The following ATG10 variants were observed in gnomAD, a reference collection of about 807,000 sequenced individuals.
ATG10 encodes autophagy related 10, also known as ubiquitin-like-conjugating enzyme ATG10.
In ATG10, 30 loss-of-function variants were observed where a neutral mutation model predicts 32.1. The ratio of observed to expected loss-of-function variants is 0.94; its 90% CI spans 0.70 to 1.27. The LOEUF is 1.27. Ranked by LOEUF, ATG10 falls within the 50% of genes most tolerant of loss-of-function variation. The pLI, the probability that ATG10 is intolerant of heterozygous loss-of-function variation, is 0.00. For missense variants in ATG10, 233 were observed against 262.3 expected, an observed-to-expected ratio of 0.89 and a Z score of 0.77; for synonymous variants, 87 against 91.5, an observed-to-expected ratio of 0.95 and a Z score of 0.28.
At chr5:82,087,960 T>G (rs2629740) in intron 3 of ATG10, among the ~76,000 whole-genome samples, 4 of 152,138 alleles carry the variant, frequency 2.6e-5, no homozygotes, top group Non-Finnish European at 4.4e-5. Context: ...AGCTTTTTGT[T>G]TACCAATTAT....
At chr5:82,147,960 C>T (rs1767433417) in intron 3 of ATG10, 1 of 152,216 alleles carries the variant, frequency 6.6e-6, no homozygotes, top group Admixed American at 6.5e-5. Flanking sequence ...TCCAAAGCCT[C>T]AAATAGGTTT....
chr5:81,979,995 TTG>T (rs2149654712), intron 1 of ATG10, among the ~76,000 whole-genome samples: 1 of 152,240 alleles, frequency 6.6e-6, no homozygotes, highest in South Asian at 2.1e-4. Flanking sequence ...CTTTTTTCTT[TTG>T]TGTGTTTGGA....
At chr5:82,067,148 T>G (rs1326908012) in intron 3 of ATG10, among the ~76,000 whole-genome samples, 1 of 152,140 alleles carries the variant, frequency 6.6e-6, no homozygotes, top group Non-Finnish European at 1.5e-5. Flanking sequence ...TGTGTTTTAC[T>G]TAAGATATTA....
intron 2 of ATG10, among the ~76,000 whole-genome samples, chr5:82,043,947 A>G (rs764636120): frequency 1.3e-4 from 20 of 151,764 alleles, no homozygotes; most frequent in Non-Finnish European, 2.5e-4. Flanking sequence ...AACTGTTCCA[A>G]CTTCTGCTTG....
At chr5:82,129,832 C>T (rs1207132570) in intron 3 of ATG10, among the ~76,000 whole-genome samples, 2 of 152,126 alleles carry the variant, frequency 1.3e-5, no homozygotes, top group African/African-American at 4.8e-5. Flanking sequence ...CAGGGAGCCA[C>T]TTGAGGAGGC....
chr5:82,187,427 C>T (rs1744493195), intron 5 of ATG10, among the ~76,000 whole-genome samples: 1 of 148,942 alleles, frequency 6.7e-6, no homozygotes, highest in Non-Finnish European at 1.5e-5. Context: ...AGGAGAATCA[C>T]TTGAACTGTC....
intron 2 of ATG10, among the ~76,000 whole-genome samples, chr5:82,008,404 C>T (rs1312267220): frequency 2.0e-5 from 3 of 151,848 alleles, no homozygotes; most frequent in African/African-American, 7.3e-5. Context: ...TTTTTCCATT[C>T]ATAATTTATT....
chr5:82,052,045 A>G (rs1581638624), intron 2 of ATG10, among the ~76,000 whole-genome samples: 1 of 152,198 alleles, frequency 6.6e-6, no homozygotes, highest in East Asian at 1.9e-4. Flanking sequence ...GCCTTGTTTG[A>G]TCAGTGCTGG....
chr5:82,140,047 C>T (rs1767017076), intron 3 of ATG10, among the ~76,000 whole-genome samples: 2 of 139,774 alleles, frequency 1.4e-5, no homozygotes, highest in Non-Finnish European at 3.2e-5. Flanking sequence ...CGGCCAGCCG[C>T]CCCGTCCGGG....
chr5:82,152,228 T>G (rs547729125), intron 3 of ATG10, among the ~76,000 whole-genome samples: 51 of 152,348 alleles, frequency 3.3e-4, no homozygotes, highest in African/African-American at 1.1e-3. Context: ...GGGTTCTTTA[T>G]GAAGAGAAAG....
intron 3 of ATG10, among the ~76,000 whole-genome samples, chr5:82,089,563 C>T (rs187348714): frequency 1.1e-4 from 17 of 152,276 alleles, no homozygotes; most frequent in African/African-American, 3.8e-4. Context: ...CAAACATACC[C>T]TGACCTCAGT....
chr5:82,127,867 T>G (rs1766344239), intron 3 of ATG10, among the ~76,000 whole-genome samples: 1 of 152,118 alleles, frequency 6.6e-6, no homozygotes, highest in Non-Finnish European at 1.5e-5. Flanking sequence ...ATCTATCTAA[T>G]ATTGACAGTG....
chr5:82,076,007 A>G (rs1468014897), intron 3 of ATG10, among the ~76,000 whole-genome samples: 1 of 152,182 alleles, frequency 6.6e-6, no homozygotes, highest in Non-Finnish European at 1.5e-5. Flanking sequence ...CTATTCATAT[A>G]TGCTAGGCTC....
chr5:82,051,727 G>A (rs936103473), intron 2 of ATG10, among the ~76,000 whole-genome samples: 8 of 152,114 alleles, frequency 5.3e-5, no homozygotes, highest in Non-Finnish European at 1.2e-4. Context: ...TTGGGGTATG[G>A]GGAGGAGTCG....
intron 3 of ATG10, among the ~76,000 whole-genome samples, chr5:82,152,624 G>A (rs1397685851): frequency 6.6e-6 from 1 of 152,128 alleles, no homozygotes; most frequent in African/African-American, 2.4e-5. Flanking sequence ...CAAAGAGCTG[G>A]GTAGGAGGGC....
chr5:82,028,476 G>A (rs376860691), intron 2 of ATG10, among the ~76,000 whole-genome samples: 3 of 152,150 alleles, frequency 2.0e-5, no homozygotes, highest in African/African-American at 7.2e-5. Flanking sequence ...CACATCAAGG[G>A]TATTGTGAAG....
intron 2 of ATG10, among the ~76,000 whole-genome samples, chr5:82,035,651 A>G (rs1283219636): frequency 2.0e-5 from 3 of 151,290 alleles, no homozygotes; most frequent in Non-Finnish European, 4.4e-5. Context: ...CGTATTGGTC[A>G]TTGGTATTTC....
chr5:82,251,444 G>A (rs1303421271), intron 5 of ATG10, among the ~76,000 whole-genome samples: 1 of 152,134 alleles, frequency 6.6e-6, no homozygotes, highest in African/African-American at 2.4e-5. Context: ...AAATGTAGGA[G>A]GTTTAACATA....
At chr5:81,994,791 T>A (rs187379528) in intron 2 of ATG10, among the ~76,000 whole-genome samples, 7 of 152,284 alleles carry the variant, frequency 4.6e-5, no homozygotes, top group African/African-American at 1.7e-4. Flanking sequence ...TTAGGAAAAA[T>A]GTCAGGAGCA....
Sources: gnomAD v4.1 joint callset for allele counts (sites outside exome capture counted in the v4.1 genomes callset) on GRCh38, gnomAD v4.1.1 for gene constraint, MANE v1.5 for transcripts, NCBI Gene and HGNC (gene_info 2026-07-23, HGNC 2026-07-21) for gene names.